Variants in RAB40C observed in about 807,000 individuals in gnomAD.
RAB40C encodes the protein RAB40C, member RAS oncogene family.
Under a neutral mutation model 28.1 loss-of-function variants are expected in RAB40C, and 8 were observed. The observed-to-expected ratio is 0.28, with a 90% CI of 0.17 to 0.51. RAB40C has a LOEUF of 0.51. RAB40C is among the 20% of genes least tolerant of loss of function. The pLI, the probability that RAB40C is intolerant of heterozygous loss-of-function variation, is 0.97. For missense variants in RAB40C, 288 were observed against 405.9 expected, an observed-to-expected ratio of 0.71 and a Z score of 2.50; for synonymous variants, 201 against 171.7, an observed-to-expected ratio of 1.17 and a Z score of -1.34.
intron 1 of RAB40C, among the ~76,000 whole-genome samples, chr16:593,334 G>T (rs1490922611): frequency 6.6e-6 from 1 of 152,242 alleles, no homozygotes; most frequent in East Asian, 1.9e-4. Context: ...ATTCTCCTTT[G>T]AAAGAGTTGT....
chr16:596,367 A>T, intron 1 of RAB40C: 1 of 455,866 alleles, frequency 2.2e-6, no homozygotes. Context: ...GCTGCCGCCT[A>T]CCCTGGTCTG....
At chr16:592,733 A>T (rs2151057265) in intron 1 of RAB40C, among the ~76,000 whole-genome samples, 1 of 152,348 alleles carries the variant, frequency 6.6e-6, no homozygotes, top group East Asian at 1.9e-4. Context: ...GGGTTTCATC[A>T]ATCGGTGTTT....
intron 1 of RAB40C, among the ~76,000 whole-genome samples, chr16:591,381 G>A (rs2035993989): frequency 6.6e-6 from 1 of 152,164 alleles, no homozygotes. Context: ...ATGGGCCCGG[G>A]GAAGGTGTCA....
intron 3 of RAB40C, among the ~76,000 whole-genome samples, chr16:620,492 TA>T (rs1311960737): frequency 6.6e-6 from 1 of 152,238 alleles, no homozygotes; most frequent in Non-Finnish European, 1.5e-5. Flanking sequence ...GCAATAAACA[TA>T]TACTATTTTG....
chr16:601,846 G>A (rs548611740), intron 1 of RAB40C, among the ~76,000 whole-genome samples: 229 of 94,876 alleles, frequency 2.4e-3, no homozygotes, highest in Non-Finnish European at 3.7e-3. Context: ...AAAAAAAAAA[G>A]GCCGGATGCG....
intron 1 of RAB40C, among the ~76,000 whole-genome samples, chr16:591,600 T>C (rs1339646976): frequency 1.3e-5 from 2 of 151,698 alleles, no homozygotes; most frequent in Non-Finnish European, 2.9e-5. Context: ...TTCTTTCTTT[T>C]TTTTTTTTTT....
intron 1 of RAB40C, chr16:596,570 G>T: frequency 3.0e-6 from 1 of 330,006 alleles, no homozygotes. Context: ...CTGGTGCGGA[G>T]AACGCTGCCG....
In RAB40C at chr16:629,241, G is replaced by T. The variant is rs17555255; in HGVS notation, c.*1619G>T. ...CCTGGTTCTCTCCGAACCGTTCTTT[G>T]TACAGTAAATGTAATTCAGCTGTGG... On this transcript the variant is annotated 3_prime_UTR_variant, in exon 6 of 6. Coordinates refer to ENST00000248139, the MANE Select transcript of RAB40C (RefSeq NM_021168.5). The T allele has an allele frequency of 7.3e-3, 2,107 of 289,458 alleles. 24 individuals are homozygous for T. Among genetic ancestry groups the T allele is most frequent in the South Asian group, 0.017 (516 of 30,682 alleles). The allele number at this position is 289,458 out of a possible 1,614,324, so 17.9% of individuals were successfully genotyped here.
At chr16:594,541 T>C (rs916372409) in intron 1 of RAB40C, among the ~76,000 whole-genome samples, 12 of 152,198 alleles carry the variant, frequency 7.9e-5, no homozygotes. Flanking sequence ...CAAACGTTTC[T>C]TCTCATCTGG....
chr16:607,812 G>GA (rs1413000119), intron 1 of RAB40C, among the ~76,000 whole-genome samples: 1 of 152,136 alleles, frequency 6.6e-6, no homozygotes, highest in East Asian at 1.9e-4. Flanking sequence ...GAAAAGAAAA[G>GA]AAAGTCGCAT....
rs117218408 is a variant in RAB40C, at chr16:617,457, C to A, written c.203+189C>A. Among the ~76,000 whole-genome samples the A allele has an allele frequency of 1.6e-4, 24 of 152,322 alleles. No homozygotes were observed. The South Asian group carries it at 4.1e-3, about 26-fold the overall frequency. On this transcript the variant is annotated intron_variant, in intron 2 of 5. Coordinates refer to ENST00000248139, the MANE Select transcript of RAB40C (RefSeq NM_021168.5). ...AAAAGACAGTCTGGGACACTGTGTC[C>A]CTAGAGATCGCGGCTCCCCTCCTGC...
In RAB40C at chr16:624,090, C is replaced by T. The variant is rs142729402; in HGVS notation, c.265-1342C>T. ...ATTTCACTGCCGCTTACTCAGCTGT[C>T]CCCTGAGGCTGGACATTTAATTTGT... On this transcript the variant is annotated intron_variant, in intron 3 of 5. Coordinates refer to ENST00000248139, the MANE Select transcript of RAB40C (RefSeq NM_021168.5). 2.5e-5 allele frequency: 25 copies of T among 985,476 alleles called. No homozygotes were observed. In the East Asian group the frequency reaches 4.5e-4, roughly 18 times the overall value. 61.0% of individuals were successfully genotyped at this position (985,476 alleles called of 1,614,324 possible).
intron 1 of RAB40C, among the ~76,000 whole-genome samples, chr16:603,845 G>A (rs528965504): frequency 2.6e-5 from 4 of 152,242 alleles, no homozygotes; most frequent in African/African-American, 4.8e-5. Context: ...TCATGGATAC[G>A]AAGCAGACCC....
chr16:621,743 T>C, intron 3 of RAB40C, among the ~76,000 whole-genome samples: 1 of 152,206 alleles, frequency 6.6e-6, no homozygotes, highest in East Asian at 1.9e-4. Context: ...GCTGACGGGA[T>C]GTGCCATCCT....
In RAB40C at chr16:627,480, T is replaced by C. The variant is rs765889616; in HGVS notation, c.704T>C (p.Met235Thr). 1 of 1,613,900 alleles carries C rather than the reference T, an allele frequency of 6.2e-7. No individual in the cohort carries two copies. ...ATGGCCAACGGCATGAACGCGGTCA[T>C]GATGCACGGCCGTTCCTACTCCCTG... ...FSMANGMNAV[M>T]MHGRSYSLAS... is the part of the protein sequence containing the mutation. Residue 235 changes from methionine (M) to threonine (T), a missense_variant, in exon 6 of 6, where the codon ATG (methionine) becomes ACG (threonine). Met to Thr is a moderately conservative substitution (Grantham distance 81). Transcript: ENST00000248139.
At position 626,045 on chromosome 16, in the gene RAB40C, C is replaced by T; in HGVS notation, c.489C>T (p.Val163=). ...TCAGCCCCCTGTGCAACTTCAACGT[C>T]ATCGAGTCCTTCACGGAGCTATCCC... ...FEVSPLCNFN[V]IESFTELSRI... The change falls in exon 5 of 6, where the codon GTC becomes GTT. Residue 163 remains valine (V), a synonymous_variant. Coordinates refer to ENST00000248139, the MANE Select transcript of RAB40C (RefSeq NM_021168.5). The T allele has an allele frequency of 6.2e-7, 1 of 1,613,468 alleles. No homozygotes were observed. The highest frequency in any genetic ancestry group is 1.1e-5 in the South Asian group (1 of 91,092).
At chr16:590,586 C>G (rs1051744578) in intron 1 of RAB40C, among the ~76,000 whole-genome samples, 153 bp downstream of exon 1, 1 of 152,144 alleles carries the variant, frequency 6.6e-6, no homozygotes, top group Non-Finnish European at 1.5e-5. Flanking sequence ...TCGGTGGCTG[C>G]GGGGTGCCCG....
In RAB40C at chr16:626,694, T is replaced by C. The variant is rs183806600; in HGVS notation, c.565+573T>C. Among the ~76,000 whole-genome samples the C allele has an allele frequency of 1.8e-4, 28 of 152,260 alleles. No individual in the cohort carries two copies. The East Asian group carries it at 5.4e-3, about 29-fold the overall frequency. On this transcript the variant is annotated intron_variant, in intron 5 of 5. Transcript: ENST00000248139. ...GGCTCACTCCTGTAATCCCAGCACTTTGGGAGGCCACAGCAGGTGGATCAC... is the reference window on the plus strand; with the variant it reads ...GGCTCACTCCTGTAATCCCAGCACTCTGGGAGGCCACAGCAGGTGGATCAC...
rs1375593562 is a variant in RAB40C, at chr16:627,934, A to G, written c.*312A>G. 5 of 349,654 alleles carry G rather than the reference A, an allele frequency of 1.4e-5. No homozygotes were observed. The highest frequency in any genetic ancestry group is 2.6e-5 in the Non-Finnish European group (5 of 194,432). 21.7% of individuals were successfully genotyped at this position (349,654 alleles called of 1,614,324 possible). A position where few individuals can be genotyped will look rare whatever the true frequency, so the allele number is the denominator to read the frequency against. On this transcript the variant is annotated 3_prime_UTR_variant, in exon 6 of 6. Coordinates refer to ENST00000248139, the MANE Select transcript of RAB40C (RefSeq NM_021168.5). ...GGCCTTTCTTATTTATATAGAGAAC[A>G]CTTCACTTTTTTGTACATTTTTAAG...
Sources: allele counts gnomAD v4.1 joint callset (sites outside exome capture counted in the v4.1 genomes callset), GRCh38; gene constraint gnomAD v4.1.1; transcripts MANE v1.5; gene names NCBI Gene and HGNC (gene_info 2026-07-23, HGNC 2026-07-21).